COL25A1: variants seen among roughly 807,000 people sequenced by gnomAD.
The protein encoded by COL25A1 is collagen type XXV alpha 1 chain.
In COL25A1, 103 loss-of-function variants were observed where a neutral mutation model predicts 128.4. The ratio of observed to expected loss-of-function variants is 0.80; its 90% CI spans 0.68 to 0.94. The LOEUF is 0.94. Ranked by LOEUF, COL25A1 falls within the 40% of genes least tolerant of loss-of-function variation. The pLI is 0.00. For synonymous variants in COL25A1, 279 were observed against 277.2 expected (o/e 1.01, Z -0.06); for missense variants, 745 against 840.0 (o/e 0.89, Z 1.40).
chr4:109,263,917 G>A (rs980502687), intron 3 of COL25A1, among the ~76,000 whole-genome samples: 3 of 152,180 alleles, frequency 2.0e-5, no homozygotes, highest in African/African-American at 7.2e-5. Context: ...CCAGGCACAT[G>A]AGAAACCATG....
Position 108,844,567 on chromosome 4 carries a change from G to C in COL25A1, c.1581C>G (p.Ile527Met). The C allele has an allele frequency of 6.2e-7, 1 of 1,610,312 alleles. No individual in the cohort carries two copies. The highest frequency in any genetic ancestry group is 8.5e-7 in the Non-Finnish European group (1 of 1,179,024). Reference protein sequence around the residue: ...SGMPGPQGPSIIGPPGPPGPH... With the variant: ...SGMPGPQGPSMIGPPGPPGPH... ...GACCTGGTGGGCCTGGTGGGCCTAT[G>C]ATCTGTATGTCCAAAAAATAAAAAT... Residue 527 changes from isoleucine (I) to methionine (M), a missense_variant and splice_region_variant, in exon 30 of 38, where the codon ATC (isoleucine) becomes ATG (methionine). Coordinates refer to ENST00000399132, the MANE Select transcript of COL25A1 (RefSeq NM_198721.4).
chr4:109,223,730 CTTA>C (rs751919980), intron 3 of COL25A1, among the ~76,000 whole-genome samples: 5 of 152,096 alleles, frequency 3.3e-5, no homozygotes, highest in Non-Finnish European at 7.4e-5. Flanking sequence ...CCAGTTAGGT[CTTA>C]ATAATCAGCC....
At chr4:109,268,513 A>G (rs1009775686) in intron 3 of COL25A1, among the ~76,000 whole-genome samples, 1 of 152,092 alleles carries the variant, frequency 6.6e-6, no homozygotes, top group Admixed American at 6.6e-5. Flanking sequence ...GGTGGGTAGG[A>G]CCTCTTTTAC....
In COL25A1 at chr4:109,101,443, T is replaced by C. The variant is rs935881621; in HGVS notation, c.368-51264A>G. Among the ~76,000 whole-genome samples the C allele has an allele frequency of 4.6e-5, 7 of 152,180 alleles. 1 individual carries two copies. The highest frequency in any genetic ancestry group is 1.7e-4 in the African/African-American group (7 of 41,440). On this transcript the variant is annotated intron_variant, in intron 3 of 37. Coordinates refer to ENST00000399132, the MANE Select transcript of COL25A1 (RefSeq NM_198721.4). Reference sequence around the variant, plus strand: ...TAAGCCTATCTGGCCTTGTGGAAGATAAAGTTGCAAAAGAATTGTTAAAAG... The same window carrying C: ...TAAGCCTATCTGGCCTTGTGGAAGACAAAGTTGCAAAAGAATTGTTAAAAG...
chr4:109,247,748 T>C (rs1021047876), intron 3 of COL25A1, among the ~76,000 whole-genome samples: 1 of 152,150 alleles, frequency 6.6e-6, no homozygotes, highest in Non-Finnish European at 1.5e-5. Flanking sequence ...GTTAAAAACA[T>C]GTGTCTTCAA....
At chr4:108,965,364 C>G (rs575605280) in intron 8 of COL25A1, among the ~76,000 whole-genome samples, 1 of 152,270 alleles carries the variant, frequency 6.6e-6, no homozygotes, top group South Asian at 2.1e-4. Context: ...TTTATCAGGA[C>G]TCTGTGTTAT....
chr4:109,288,962 TACACACACACACAC>T (rs3079876), intron 3 of COL25A1, among the ~76,000 whole-genome samples: 10 of 133,602 alleles, frequency 7.5e-5, no homozygotes, highest in East Asian at 2.5e-4. Flanking sequence ...AAATTATATA[TACACACACACACAC>T]ACACACACAC....
At chr4:109,081,280 T>C (rs1279364268) in intron 3 of COL25A1, among the ~76,000 whole-genome samples, 2 of 152,210 alleles carry the variant, frequency 1.3e-5, no homozygotes, top group African/African-American at 2.4e-5. Flanking sequence ...AAAAGTGCTC[T>C]AGATCATCTA....
chr4:109,185,810 C>A (rs926338217), intron 3 of COL25A1, among the ~76,000 whole-genome samples: 1 of 152,150 alleles, frequency 6.6e-6, no homozygotes, highest in Non-Finnish European at 1.5e-5. Context: ...CTTTCTTCCT[C>A]TCTCTCCCTC....
intron 3 of COL25A1, among the ~76,000 whole-genome samples, chr4:109,190,132 A>G (rs1185699593): frequency 6.6e-6 from 1 of 152,196 alleles, no homozygotes; most frequent in Non-Finnish European, 1.5e-5. Context: ...TGAAAAATAA[A>G]TGAGAGAAGA....
At chr4:108,880,502 A>G (rs1254361873) in intron 19 of COL25A1, among the ~76,000 whole-genome samples, 2 of 152,232 alleles carry the variant, frequency 1.3e-5, no homozygotes, top group Non-Finnish European at 2.9e-5. Context: ...TGTGTAACCA[A>G]TGTTTCCAAT....
At chr4:109,115,076 A>G (rs934319661) in intron 3 of COL25A1, among the ~76,000 whole-genome samples, 36 of 152,100 alleles carry the variant, frequency 2.4e-4, no homozygotes, top group Non-Finnish European at 8.8e-5. Context: ...AAAATACATT[A>G]AAATGTTTTT....
chr4:109,213,662 T>C (rs1306722761), intron 3 of COL25A1, among the ~76,000 whole-genome samples: 3 of 152,202 alleles, frequency 2.0e-5, no homozygotes, highest in Non-Finnish European at 4.4e-5. Context: ...TCCCAGTTGA[T>C]GCCACATGAA....
chr4:109,179,903 C>G (rs1387089289), intron 3 of COL25A1, among the ~76,000 whole-genome samples: 1 of 152,180 alleles, frequency 6.6e-6, no homozygotes, highest in Non-Finnish European at 1.5e-5. Context: ...ACTGTAAAAT[C>G]AGCCTATTAT....
chr4:109,134,295 G>A (rs1035234317), intron 3 of COL25A1, among the ~76,000 whole-genome samples: 8 of 152,092 alleles, frequency 5.3e-5, no homozygotes, highest in African/African-American at 1.9e-4. Context: ...CTATGTAGAA[G>A]ATAGATTAGA....
intron 11 of COL25A1, among the ~76,000 whole-genome samples, chr4:108,927,739 C>G (rs576974730): frequency 1.3e-5 from 2 of 152,064 alleles, no homozygotes; most frequent in South Asian, 4.2e-4. Flanking sequence ...AATATTAAGC[C>G]AGGATGATTC....
At chr4:108,953,408 G>A (rs1749688925) in intron 8 of COL25A1, among the ~76,000 whole-genome samples, 1 of 152,156 alleles carries the variant, frequency 6.6e-6, no homozygotes, top group African/African-American at 2.4e-5. Context: ...GTTTCCCAAA[G>A]AGGCTAAAAT....
intron 3 of COL25A1, among the ~76,000 whole-genome samples, chr4:109,223,100 TAGG>T (rs1305960689): frequency 6.6e-6 from 1 of 152,190 alleles, no homozygotes; most frequent in Non-Finnish European, 1.5e-5. Context: ...TATACACTAT[TAGG>T]AGATGTTTCT....
At chr4:109,295,295 A>G (rs1315369452) in intron 3 of COL25A1, among the ~76,000 whole-genome samples, 1 of 151,410 alleles carries the variant, frequency 6.6e-6, no homozygotes, top group African/African-American at 2.4e-5. Flanking sequence ...ACCAGCTGTC[A>G]CTCCTGGACC....
Sources: allele counts gnomAD v4.1 joint callset (sites outside exome capture counted in the v4.1 genomes callset), GRCh38; gene constraint gnomAD v4.1.1; transcripts MANE v1.5; gene names NCBI Gene and HGNC (gene_info 2026-07-23, HGNC 2026-07-21).